Variants in DOCK3 observed in about 807,000 individuals in gnomAD.
DOCK3 encodes dedicator of cytokinesis 3, also known as dedicator of cytokinesis protein 3.
Under a neutral mutation model 265.6 loss-of-function variants are expected in DOCK3, and 60 were observed. The ratio of observed to expected loss-of-function variants is 0.23; its 90% CI spans 0.18 to 0.28. DOCK3 has a LOEUF of 0.28. Among genes scored for constraint, DOCK3 ranks in the 10% least tolerant of loss-of-function variants. DOCK3 has a pLI of 1.00. For synonymous variants in DOCK3, 881 were observed against 938.0 expected, an observed-to-expected ratio of 0.94 and a Z score of 1.11; for missense variants, 1,981 against 2,594.3, an observed-to-expected ratio of 0.76 and a Z score of 5.14.
chr3:51,291,031 C>T (rs1375697712), intron 27 of DOCK3, among the ~76,000 whole-genome samples: 1 of 152,124 alleles, frequency 6.6e-6, no homozygotes, highest in African/African-American at 2.4e-5. Context: ...AAGCCAAGAT[C>T]GTGCCACTGC....
At chr3:51,225,619 C>T in intron 14 of DOCK3, 30 bp from the exon 15 acceptor site, 1 of 1,597,418 alleles carries the variant, frequency 6.3e-7, no homozygotes, top group Middle Eastern at 1.7e-4. Context: ...CTTCTGGAGT[C>T]ATAAGGATGT....
chr3:50,717,124 C>T (rs1437174006), intron 1 of DOCK3, among the ~76,000 whole-genome samples: 1 of 152,090 alleles, frequency 6.6e-6, no homozygotes, highest in Non-Finnish European at 1.5e-5. Context: ...CATGGATATG[C>T]CATAATTTAA....
chr3:51,064,099 G>A (rs1009178245), intron 5 of DOCK3, among the ~76,000 whole-genome samples: 3 of 152,170 alleles, frequency 2.0e-5, no homozygotes, highest in African/African-American at 7.2e-5. Context: ...GCTTTTATGT[G>A]AACTGCAACT....
intron 9 of DOCK3, among the ~76,000 whole-genome samples, chr3:51,129,509 A>G (rs943984262): frequency 6.6e-6 from 1 of 152,156 alleles, no homozygotes; most frequent in African/African-American, 2.4e-5. Context: ...GATCATGTAT[A>G]TTCCACTTCC....
intron 19 of DOCK3, among the ~76,000 whole-genome samples, chr3:51,232,090 A>G (rs1282317203): frequency 2.0e-5 from 3 of 152,184 alleles, no homozygotes; most frequent in Non-Finnish European, 2.9e-5. Flanking sequence ...CTAGCCAGCT[A>G]TCTCAGCACC....
At chr3:50,740,773 A>G (rs9839684) in intron 1 of DOCK3, among the ~76,000 whole-genome samples, 137,744 of 152,130 alleles carry the variant, frequency 0.91, 62,518 homozygotes, top group African/African-American at 0.95. Context: ...ATAAAATTTC[A>G]TGCCTTGTAC....
chr3:51,052,036 A>C (rs1398835761), intron 5 of DOCK3, among the ~76,000 whole-genome samples: 1 of 152,102 alleles, frequency 6.6e-6, no homozygotes, highest in Non-Finnish European at 1.5e-5. Context: ...TGAGATTTGG[A>C]GGGGGCATTT....
chr3:50,928,147 AT>A (rs1328884168), intron 4 of DOCK3, among the ~76,000 whole-genome samples: 285 of 149,440 alleles, frequency 1.9e-3, no homozygotes, highest in African/African-American at 5.7e-3. Flanking sequence ...ATATATATAT[AT>A]ATATATAATA....
At chr3:51,238,318 A>G (rs1478002022) in intron 21 of DOCK3, among the ~76,000 whole-genome samples, 5 of 151,030 alleles carry the variant, frequency 3.3e-5, no homozygotes, top group Non-Finnish European at 5.9e-5. Flanking sequence ...AATTTTTTGT[A>G]TTTTTAGTAG....
chr3:50,794,953 G>T (rs967476954), intron 2 of DOCK3, among the ~76,000 whole-genome samples: 2 of 152,060 alleles, frequency 1.3e-5, no homozygotes. Context: ...GTGTTTGATT[G>T]TCTGAAAAGG....
At chr3:50,844,108 C>G (rs577897039) in intron 3 of DOCK3, among the ~76,000 whole-genome samples, 1 of 152,140 alleles carries the variant, frequency 6.6e-6, no homozygotes, top group African/African-American at 2.4e-5. Flanking sequence ...ATAAAGATGA[C>G]TTATTAAAGT....
intron 1 of DOCK3, among the ~76,000 whole-genome samples, chr3:50,711,001 C>T (rs573070611): frequency 1.3e-5 from 2 of 152,146 alleles, no homozygotes; most frequent in Non-Finnish European, 2.9e-5. Flanking sequence ...TCACATTGGG[C>T]ACCGCATACA....
At chr3:50,883,694 A>T (rs1490831749) in intron 3 of DOCK3, among the ~76,000 whole-genome samples, 1 of 152,186 alleles carries the variant, frequency 6.6e-6, no homozygotes, top group African/African-American at 2.4e-5. Context: ...ATTTTCATTG[A>T]AAATTATAGA....
chr3:50,753,668 G>A (rs1201467002), intron 1 of DOCK3, among the ~76,000 whole-genome samples: 2 of 151,968 alleles, frequency 1.3e-5, no homozygotes, highest in African/African-American at 2.4e-5. Context: ...TCACCCATAG[G>A]CAAATATTTT....
intron 5 of DOCK3, among the ~76,000 whole-genome samples, chr3:51,063,570 T>C (rs1410912954): frequency 1.3e-5 from 2 of 152,212 alleles, no homozygotes; most frequent in Non-Finnish European, 2.9e-5. Flanking sequence ...TTTACTAACA[T>C]CTTAATCTGC....
chr3:51,128,245 C>G (rs2084353266), intron 9 of DOCK3, among the ~76,000 whole-genome samples: 1 of 152,148 alleles, frequency 6.6e-6, no homozygotes, highest in Non-Finnish European at 1.5e-5. Context: ...ACTTCTGCCC[C>G]TTGGTTCCTG....
chr3:51,279,216 C>T (rs1576633811), intron 26 of DOCK3, among the ~76,000 whole-genome samples: 2 of 152,100 alleles, frequency 1.3e-5, no homozygotes, highest in African/African-American at 2.4e-5. Context: ...CATGCCATTG[C>T]GCTCCAGACT....
intron 3 of DOCK3, among the ~76,000 whole-genome samples, chr3:50,875,639 C>G (rs2107615194): frequency 6.6e-6 from 1 of 152,250 alleles, no homozygotes; most frequent in African/African-American, 2.4e-5. Flanking sequence ...CCTTGATTCC[C>G]TGGGATGAAT....
chr3:51,315,790 G>A (rs569652632), intron 32 of DOCK3, among the ~76,000 whole-genome samples: 1 of 152,182 alleles, frequency 6.6e-6, no homozygotes, highest in East Asian at 1.9e-4. Context: ...TGCTTTGGGA[G>A]ATAGAGATTT....
Sources: gnomAD v4.1 joint callset for allele counts (sites outside exome capture counted in the v4.1 genomes callset) on GRCh38, gnomAD v4.1.1 for gene constraint, MANE v1.5 for transcripts, NCBI Gene and HGNC (gene_info 2026-07-23, HGNC 2026-07-21) for gene names.